CAPRIN1: variants seen among roughly 807,000 people sequenced by gnomAD.
The protein encoded by CAPRIN1 is caprin-1.
Under a neutral mutation model 100.9 loss-of-function variants are expected in CAPRIN1, and 29 were observed. That is an observed-to-expected ratio of 0.29 (90% CI 0.21 to 0.39). CAPRIN1 has a LOEUF of 0.39. Ranked by LOEUF, CAPRIN1 falls within the 10% of genes least tolerant of loss-of-function variation. The pLI, the probability that CAPRIN1 is intolerant of heterozygous loss-of-function variation, is 1.00. For missense variants in CAPRIN1, 795 were observed against 876.7 expected (o/e 0.91, Z 1.18); for synonymous variants, 338 against 307.5 (o/e 1.10, Z -1.04).
intron 2 of CAPRIN1, chr11:34,053,262 C>T (rs1412481066): frequency 4.3e-6 from 2 of 470,016 alleles, no homozygotes; most frequent in South Asian, 9.0e-5. Context: ...GATGGGCTCC[C>T]CTGCGTTTCC....
chr11:34,086,347 A>G lies in CAPRIN1; in HGVS notation c.1165A>G (p.Ile389Val), dbSNP rs1851144125. The change falls in exon 11 of 19, where the codon ATT (isoleucine) becomes GTT (valine). Residue 389 changes from isoleucine (I) to valine (V), a missense_variant. Ile to Val is a conservative substitution (Grantham distance 29). Transcript: ENST00000341394. ...DFENQTLDPA[I>V]VSAQPMNPTQ... ...TGAAAATCAGACACTTGATCCTGCC[A>G]TTGTATCTGCACAGCCTATGAATCC... The G allele has an allele frequency of 1.2e-6, 2 of 1,614,100 alleles. No individual in the cohort carries two copies. The highest frequency in any genetic ancestry group is 1.7e-6 in the Non-Finnish European group (2 of 1,179,964).
At chr11:34,076,731 A>C in intron 6 of CAPRIN1, 89 bp downstream of exon 6, 1 of 971,330 alleles carries the variant, frequency 1.0e-6, no homozygotes, top group Non-Finnish European at 1.6e-6. Context: ...GGAAGAAAAA[A>C]ATTAGTTTTT....
chr11:34,098,818 G>A, intron 18 of CAPRIN1: 1 of 984,156 alleles, frequency 1.0e-6, no homozygotes, highest in Non-Finnish European at 1.2e-6. Context: ...ATACAGTTTT[G>A]AATGTTATGT....
chr11:34,084,161 C>T (rs748880546), intron 9 of CAPRIN1, among the ~76,000 whole-genome samples: 1 of 151,764 alleles, frequency 6.6e-6, no homozygotes, highest in Non-Finnish European at 1.5e-5. Flanking sequence ...ACCATTTTGG[C>T]CAGGCTCGTC....
At chr11:34,080,302 A>C (rs779471170) in intron 7 of CAPRIN1, among the ~76,000 whole-genome samples, 58 of 152,170 alleles carry the variant, frequency 3.8e-4, no homozygotes, top group Non-Finnish European at 7.1e-4. Flanking sequence ...CATTTGTCTT[A>C]CTAGTCTTGA....
chr11:34,052,573 C>A lies in CAPRIN1; in HGVS notation c.153C>A (p.Thr51=), dbSNP rs1173066595. The part of the protein sequence containing the change: ...HPATGTGAVQ[T]EAMKQILGVI... ...CAACCGGCACCGGCGCTGTCCAGACCGAGGCCATGAAGCAGATTCTCGGGG... is the reference window on the plus strand; with the variant it reads ...CAACCGGCACCGGCGCTGTCCAGACAGAGGCCATGAAGCAGATTCTCGGGG... Residue 51 remains threonine (T), a synonymous_variant, in exon 2 of 19, where the codon ACC becomes ACA. Coordinates refer to ENST00000341394, the MANE Select transcript of CAPRIN1 (RefSeq NM_005898.5). The A allele has an allele frequency of 1.2e-6, 2 of 1,610,876 alleles. No individual in the cohort carries two copies. Among genetic ancestry groups the A allele is most frequent in the East Asian group, 4.5e-5 (2 of 44,770 alleles).
At chr11:34,098,700 T>C (rs1851407403) in intron 18 of CAPRIN1, 11 of 985,078 alleles carry the variant, frequency 1.1e-5, no homozygotes, top group Non-Finnish European at 1.3e-5. Flanking sequence ...GAATGTGGGT[T>C]ATGTTCTTTC....
intron 2 of CAPRIN1, among the ~76,000 whole-genome samples, chr11:34,068,863 G>A (rs1355102392): frequency 6.6e-6 from 1 of 151,898 alleles, no homozygotes; most frequent in Non-Finnish European, 1.5e-5. Flanking sequence ...CCTCCATTTT[G>A]GTTAGATATA....
intron 2 of CAPRIN1, among the ~76,000 whole-genome samples, chr11:34,065,838 T>A (rs1850679341): frequency 6.6e-6 from 1 of 152,252 alleles, no homozygotes; most frequent in African/African-American, 2.4e-5. Flanking sequence ...AGACTTAGGA[T>A]CCTGCTTTCC....
At chr11:34,061,900 G>C (rs1475242577) in intron 2 of CAPRIN1, among the ~76,000 whole-genome samples, 1 of 148,430 alleles carries the variant, frequency 6.7e-6, no homozygotes, top group Non-Finnish European at 1.5e-5. Flanking sequence ...GAACCTGGGA[G>C]GCAGAGGCTG....
Position 34,099,701 on chromosome 11 carries a change from A to G in CAPRIN1, c.*334A>G. On this transcript the variant is annotated 3_prime_UTR_variant, in exon 19 of 19. Coordinates refer to ENST00000341394, the MANE Select transcript of CAPRIN1 (RefSeq NM_005898.5). ...TATTTGAAGTGGCTTGAAAAAGGCA[A>G]GATTGACTTTTATGACATTGGATAA... 1 of 227,628 alleles carries G rather than the reference A, an allele frequency of 4.4e-6. No individual in the cohort carries two copies. Among genetic ancestry groups the G allele is most frequent in the Non-Finnish European group, 8.6e-6 (1 of 116,856 alleles). The allele number at this position is 227,628 out of a possible 1,614,324, so 14.1% of individuals were successfully genotyped here.
chr11:34,079,561 T>C, intron 6 of CAPRIN1, 67 bp from the exon 7 acceptor site: 1 of 1,299,210 alleles, frequency 7.7e-7, no homozygotes, highest in Non-Finnish European at 1.1e-6. Flanking sequence ...TTATAGAATG[T>C]TGGATCTTCT....
chr11:34,052,776 C>T, intron 2 of CAPRIN1, 140 bp downstream of exon 2: 1 of 1,429,106 alleles, frequency 7.0e-7, no homozygotes. Flanking sequence ...GGCCCACACG[C>T]CCCGTCTCCA....
intron 2 of CAPRIN1, among the ~76,000 whole-genome samples, chr11:34,066,965 T>C (rs1850711199): frequency 6.6e-6 from 1 of 150,458 alleles, no homozygotes; most frequent in African/African-American, 2.5e-5. Flanking sequence ...AGTCTTACTC[T>C]GTTTCCCGGG....
intron 2 of CAPRIN1, among the ~76,000 whole-genome samples, chr11:34,065,184 G>A (rs914184086): frequency 1.3e-5 from 2 of 151,716 alleles, no homozygotes; most frequent in Non-Finnish European, 1.5e-5. Context: ...GGATGGTCTC[G>A]ATCTCCCGAC....
At chr11:34,052,218 C>T (rs1850325682) in intron 1 of CAPRIN1, 1 of 187,728 alleles carries the variant, frequency 5.3e-6, no homozygotes, top group Non-Finnish European at 1.0e-5. Context: ...CGGTGCGAGG[C>T]CCAGCCGGGC....
chr11:34,071,563 CAAAA>C (rs796340955), intron 2 of CAPRIN1, among the ~76,000 whole-genome samples, 159 bp from the exon 3 acceptor site: 1 of 140,188 alleles, frequency 7.1e-6, no homozygotes, highest in Non-Finnish European at 1.6e-5. Context: ...AACTCTGTCT[CAAAA>C]AAAAAAAATT....
intron 6 of CAPRIN1, among the ~76,000 whole-genome samples, chr11:34,078,680 C>A (rs1339098863): frequency 6.6e-6 from 1 of 152,138 alleles, no homozygotes; most frequent in Non-Finnish European, 1.5e-5. Flanking sequence ...CACATCTTTC[C>A]CTATGCTTGT....
At chr11:34,077,583 A>G (rs1296069641) in intron 6 of CAPRIN1, among the ~76,000 whole-genome samples, 2 of 152,228 alleles carry the variant, frequency 1.3e-5, no homozygotes, top group African/African-American at 4.8e-5. Context: ...CTGTGAAATC[A>G]GGGAATAGAT....
Sources: gnomAD v4.1 joint callset for allele counts (sites outside exome capture counted in the v4.1 genomes callset) on GRCh38, gnomAD v4.1.1 for gene constraint, MANE v1.5 for transcripts, NCBI Gene and HGNC (gene_info 2026-07-23, HGNC 2026-07-21) for gene names.